GNAL: variants seen among roughly 807,000 people sequenced by gnomAD.
GNAL encodes G protein subunit alpha L.
GNAL carries 18 observed loss-of-function variants against 55.1 expected under a neutral mutation model. That is an observed-to-expected ratio of 0.33 (90% CI 0.23 to 0.48). The LOEUF is 0.48. GNAL is among the 20% of genes least tolerant of loss of function. The probability of loss-of-function intolerance (pLI) is 0.99; values close to 1 mark genes in which losing one functional copy is unlikely to be tolerated. For synonymous variants in GNAL, 253 were observed against 237.0 expected, an observed-to-expected ratio of 1.07 and a Z score of -0.62; for missense variants, 412 against 614.1, an observed-to-expected ratio of 0.67 and a Z score of 3.48.
intron 4 of GNAL, among the ~76,000 whole-genome samples, chr18:11,802,508 C>T (rs966541748): frequency 6.6e-6 from 1 of 152,128 alleles, no homozygotes; most frequent in Admixed American, 6.5e-5. Context: ...AGTGGCTCAC[C>T]CTCTAGTCCA....
chr18:11,852,151 C>T, intron 5 of GNAL: 1 of 1,520,278 alleles, frequency 6.6e-7, no homozygotes, highest in Non-Finnish European at 8.8e-7. Flanking sequence ...CATAGCCACC[C>T]TTTGAAATGC....
intron 5 of GNAL, among the ~76,000 whole-genome samples, chr18:11,835,611 T>C (rs1598416746): frequency 2.0e-5 from 3 of 152,128 alleles, no homozygotes; most frequent in South Asian, 4.1e-4. Context: ...AAGAAAAATA[T>C]GTATATGTAA....
rs537425944 is a variant in GNAL at position 11,855,068 on chromosome 18, G to A, written c.723-7327G>A. Among the ~76,000 whole-genome samples, 191 of 152,118 alleles carry A rather than the reference G, an allele frequency of 1.3e-3. 1 individual carries two copies. Among genetic ancestry groups the A allele is most frequent in the African/African-American group, 4.2e-3 (175 of 41,508 alleles). ...CCTGAGTAGCTGGGACTACAGATGC[G>A]CACCAACACACCTGGCTAATTTTTG... On this transcript the variant is annotated intron_variant, in intron 5 of 11. Coordinates refer to ENST00000334049, the MANE Select transcript of GNAL (RefSeq NM_182978.4).
At chr18:11,808,165 G>T (rs1290111810) in intron 4 of GNAL, among the ~76,000 whole-genome samples, 1 of 152,044 alleles carries the variant, frequency 6.6e-6, no homozygotes, top group East Asian at 1.9e-4. Context: ...ACTCTGCAGG[G>T]AGTGGAAGGA....
intron 5 of GNAL, among the ~76,000 whole-genome samples, chr18:11,831,480 A>T (rs1053441599): frequency 2.6e-5 from 4 of 152,200 alleles, no homozygotes; most frequent in Non-Finnish European, 5.9e-5. Context: ...CCATGAAAAA[A>T]GTCTAAGGCT....
intron 4 of GNAL, among the ~76,000 whole-genome samples, chr18:11,797,649 G>T (rs9956333): frequency 0.097 from 14,724 of 152,056 alleles, 782 homozygotes; most frequent in Middle Eastern, 0.15. Flanking sequence ...GTGGTGGGGG[G>T]GCTGGTTTGC....
chr18:11,774,681 T>C (rs2033729987), intron 4 of GNAL, among the ~76,000 whole-genome samples: 3 of 152,118 alleles, frequency 2.0e-5, no homozygotes, highest in Non-Finnish European at 4.4e-5. Context: ...TGGTTCAGAA[T>C]TTGAGCCCAG....
intron 1 of GNAL, among the ~76,000 whole-genome samples, chr18:11,706,986 A>C (rs1182821708): frequency 6.6e-6 from 1 of 152,114 alleles, no homozygotes; most frequent in Non-Finnish European, 1.5e-5. Context: ...TGGCATCTAG[A>C]ATTGTGAATT....
At chr18:11,846,197 G>C (rs946949687) in intron 5 of GNAL, among the ~76,000 whole-genome samples, 12 of 151,940 alleles carry the variant, frequency 7.9e-5, no homozygotes, top group African/African-American at 2.7e-4. Flanking sequence ...AGGAGGAGGA[G>C]AATCACTGTG....
intron 4 of GNAL, among the ~76,000 whole-genome samples, chr18:11,805,535 G>A (rs2034636757): frequency 6.6e-6 from 1 of 151,946 alleles, no homozygotes; most frequent in Admixed American, 6.6e-5. Flanking sequence ...TGAGTCTCCT[G>A]TGTCCATCAT....
Position 11,781,437 on chromosome 18 carries a change from C to T in GNAL, c.624+27492C>T, listed in dbSNP as rs1598452374. 3.9e-5 allele frequency among the ~76,000 whole-genome samples: 6 copies of T among 152,288 alleles called. No homozygotes were observed. In the Middle Eastern group the frequency reaches 0.02, roughly 518 times the overall value. ...ATGTGATAGCATTTCTCCTCCCATA[C>T]ACCCCCACAGCCTCAAAAATCTATT... is the stretch of plus-strand genomic sequence containing the variant. On this transcript the variant is annotated intron_variant, in intron 4 of 11. Transcript: ENST00000334049.
At chr18:11,830,178 G>C (rs553132557) in intron 5 of GNAL, among the ~76,000 whole-genome samples, 3 of 151,442 alleles carry the variant, frequency 2.0e-5, no homozygotes, top group Middle Eastern at 3.4e-3. Flanking sequence ...CTATTCCTGC[G>C]TGTTTTCCAT....
At chr18:11,848,076 GAGTTGCCA>G (rs923063515) in intron 5 of GNAL, among the ~76,000 whole-genome samples, 3 of 152,204 alleles carry the variant, frequency 2.0e-5, no homozygotes, top group Non-Finnish European at 4.4e-5. Flanking sequence ...TCACTTTGAG[GAGTTGCCA>G]ATCAGTCTTG....
chr18:11,761,109 G>GC (rs1370920613), intron 4 of GNAL, among the ~76,000 whole-genome samples: 1 of 152,076 alleles, frequency 6.6e-6, no homozygotes, highest in African/African-American at 2.4e-5. Context: ...AGTCCACACG[G>GC]CCCCCAGGTC....
At chr18:11,706,489 A>G (rs1425775673) in intron 1 of GNAL, among the ~76,000 whole-genome samples, 1 of 152,168 alleles carries the variant, frequency 6.6e-6, no homozygotes. Flanking sequence ...TTAGAGTAAG[A>G]CAGCAATGAA....
At chr18:11,876,597 A>G in intron 10 of GNAL, 24 bp from the exon 11 acceptor site, 1 of 1,448,900 alleles carries the variant, frequency 6.9e-7, no homozygotes, top group Non-Finnish European at 9.7e-7. Flanking sequence ...TGCTTAAATA[A>G]AGTTCCATTT....
Position 11,884,605 on chromosome 18 carries a change from T to C in GNAL, c.*3470T>C. On this transcript the variant is annotated 3_prime_UTR_variant, in exon 12 of 12. Coordinates refer to ENST00000334049, the MANE Select transcript of GNAL (RefSeq NM_182978.4). The stretch of plus-strand genomic sequence containing the variant: ...TGGGAGGTAGCACTTGGAGAGGGTG[T>C]AGTCTGTGGGCGTGATGCTACCCTG... The C allele has an allele frequency of 2.5e-6, 4 of 1,613,674 alleles. No individual in the cohort carries two copies. The highest frequency in any genetic ancestry group is 1.7e-5 in the Admixed American group (1 of 60,002).
chr18:11,749,422 A>G (rs769692081), intron 1 of GNAL, among the ~76,000 whole-genome samples: 1 of 152,228 alleles, frequency 6.6e-6, no homozygotes, highest in Non-Finnish European at 1.5e-5. Context: ...ATATTGAACA[A>G]ATATTTTTTA....
intron 1 of GNAL, among the ~76,000 whole-genome samples, chr18:11,697,657 C>T (rs1378754760): frequency 3.3e-5 from 5 of 152,018 alleles, no homozygotes; most frequent in East Asian, 3.9e-4. Context: ...GTGGGCAAAA[C>T]GGAATCCCGG....
Sources: gnomAD v4.1 joint callset for allele counts (sites outside exome capture counted in the v4.1 genomes callset) on GRCh38, gnomAD v4.1.1 for gene constraint, MANE v1.5 for transcripts, NCBI Gene and HGNC (gene_info 2026-07-23, HGNC 2026-07-21) for gene names.